Variants in IL26 observed in about 807,000 individuals in gnomAD.
The protein encoded by IL26 is interleukin-26.
IL26 carries 23 observed loss-of-function variants against 21.7 expected under a neutral mutation model. The observed-to-expected ratio is 1.06, with a 90% CI of 0.76 to 1.50. The LOEUF is 1.50. Among genes scored for constraint, IL26 ranks in the 40% most tolerant of loss-of-function variants. IL26 has a pLI of 0.00. For missense variants in IL26, 204 were observed against 196.0 expected (o/e 1.04, Z -0.24); for synonymous variants, 63 against 67.8 (o/e 0.93, Z 0.34).
Position 68,225,696 on chromosome 12 carries a change from C to T in IL26, c.61G>A (p.Ala21Thr). 6.2e-7 allele frequency: 1 copy of T among 1,614,038 alleles called. No homozygotes were observed. Among genetic ancestry groups the T allele is most frequent in the Non-Finnish European group, 8.5e-7 (1 of 1,179,944 alleles). The change falls in exon 1 of 5, where the codon GCC becomes ACC. Residue 21 changes from alanine to threonine, a missense_variant. Physicochemically the swap from Ala to Thr is moderately conservative, Grantham distance 58. Transcript: ENST00000229134. Reference sequence around the variant, plus strand: ...GTGAAGGAAGATTGCTTGTGCTTGGCAATGGCAAGAGACAGAGTGACTAAC... The same window carrying T: ...GTGAAGGAAGATTGCTTGTGCTTGGTAATGGCAAGAGACAGAGTGACTAAC... The part of the protein sequence containing the change: ...LLLVTLSLAI[A>T]KHKQSSFTKS...
At chr12:68,212,872 T>C (rs1868772985) in intron 3 of IL26, among the ~76,000 whole-genome samples, 1 of 152,130 alleles carries the variant, frequency 6.6e-6, no homozygotes, top group Non-Finnish European at 1.5e-5. Context: ...TCAAATTGAA[T>C]GCACTTTATT....
intron 3 of IL26, among the ~76,000 whole-genome samples, chr12:68,204,141 A>ATTTTTTTT (rs6144754): frequency 3.5e-5 from 4 of 113,194 alleles, no homozygotes; most frequent in African/African-American, 6.9e-5. Flanking sequence ...GGATTCAAAG[A>ATTTTTTTT]TTTTTTTTTT....
At chr12:68,222,569 C>A (rs11570922) in intron 3 of IL26, among the ~76,000 whole-genome samples, 1 of 152,194 alleles carries the variant, frequency 6.6e-6, no homozygotes, top group Non-Finnish European at 1.5e-5. Context: ...CTCCAGGAAA[C>A]AGAATGGGCC....
chr12:68,207,616 A>G (rs766697802), intron 3 of IL26, among the ~76,000 whole-genome samples: 1 of 152,206 alleles, frequency 6.6e-6, no homozygotes, highest in African/African-American at 2.4e-5. Flanking sequence ...GTCTCTACTC[A>G]CATTACTCAT....
chr12:68,210,666 T>C (rs1011931214), intron 3 of IL26, among the ~76,000 whole-genome samples: 7 of 152,180 alleles, frequency 4.6e-5, no homozygotes, highest in Middle Eastern at 3.2e-3. Flanking sequence ...ATCCAATTTC[T>C]ATATTCTCTA....
chr12:68,211,864 G>A (rs1868741872), intron 3 of IL26, among the ~76,000 whole-genome samples: 1 of 152,094 alleles, frequency 6.6e-6, no homozygotes, highest in Non-Finnish European at 1.5e-5. Context: ...TTGCTGGGCA[G>A]AGGATTTTTA....
intron 3 of IL26, among the ~76,000 whole-genome samples, chr12:68,221,246 G>A (rs1869036337): frequency 6.6e-6 from 1 of 152,124 alleles, no homozygotes; most frequent in Non-Finnish European, 1.5e-5. Flanking sequence ...TTGTTCTGGA[G>A]CAGGCACATG....
chr12:68,225,056 T>G (rs1365847323), intron 3 of IL26, 93 bp downstream of exon 3: 13 of 1,329,712 alleles, frequency 9.8e-6, no homozygotes, highest in Non-Finnish European at 2.0e-6. Context: ...AAAGCTCGTT[T>G]TACTCACCCT....
At chr12:68,221,668 A>G (rs949797372) in intron 3 of IL26, among the ~76,000 whole-genome samples, 1 of 152,238 alleles carries the variant, frequency 6.6e-6, no homozygotes, top group Admixed American at 6.5e-5. Context: ...AGTGAAATAG[A>G]TATTGATCAT....
intron 3 of IL26, among the ~76,000 whole-genome samples, chr12:68,221,212 A>G (rs1869035630): frequency 6.6e-6 from 1 of 152,204 alleles, no homozygotes; most frequent in Non-Finnish European, 1.5e-5. Context: ...CAACTTGGTC[A>G]TTGACAAATT....
At chr12:68,224,045 C>CG (rs1869150013) in intron 3 of IL26, among the ~76,000 whole-genome samples, 1 of 150,986 alleles carries the variant, frequency 6.6e-6, no homozygotes, top group African/African-American at 2.5e-5. Flanking sequence ...AAACACCCCC[C>CG]CCCTCTAATG....
intron 3 of IL26, among the ~76,000 whole-genome samples, chr12:68,219,981 T>C (rs1869002126): frequency 6.6e-6 from 1 of 151,874 alleles, no homozygotes; most frequent in African/African-American, 2.4e-5. Context: ...ATGAATAAAA[T>C]CACTGAAAGA....
At chr12:68,219,540 A>G (rs1288664013) in intron 3 of IL26, among the ~76,000 whole-genome samples, 1 of 151,952 alleles carries the variant, frequency 6.6e-6, no homozygotes, top group Non-Finnish European at 1.5e-5. Flanking sequence ...AAGTACTTAG[A>G]GGGAAATTTA....
rs542047090 is a variant in IL26, at chr12:68,216,019, G to A, written c.363+9130C>T. On this transcript the variant is annotated intron_variant, in intron 3 of 4. Transcript: ENST00000229134. Reference sequence around the variant, plus strand: ...TAAATTAAACTACTGCTGGCCAGGCGTGGTGGCTCACGCCTGTAATCCCAG... The same window carrying A: ...TAAATTAAACTACTGCTGGCCAGGCATGGTGGCTCACGCCTGTAATCCCAG... 1.5e-4 allele frequency among the ~76,000 whole-genome samples: 23 copies of A among 151,072 alleles called. 1 individual carries two copies. Among genetic ancestry groups the A allele is most frequent in the African/African-American group, 1.9e-4 (8 of 41,324 alleles).
At chr12:68,207,195 T>C (rs1377837205) in intron 3 of IL26, among the ~76,000 whole-genome samples, 1 of 152,174 alleles carries the variant, frequency 6.6e-6, no homozygotes. Context: ...TTCACAATGG[T>C]CCTTATCCTG....
chr12:68,202,391 T>C (rs1030611635), intron 3 of IL26, among the ~76,000 whole-genome samples: 22 of 152,318 alleles, frequency 1.4e-4, no homozygotes, highest in Admixed American at 3.9e-4. Flanking sequence ...AGGGGTCTTT[T>C]GAAAAATGAC....
At chr12:68,208,857 C>T (rs1225855294) in intron 3 of IL26, among the ~76,000 whole-genome samples, 1 of 152,124 alleles carries the variant, frequency 6.6e-6, no homozygotes, top group African/African-American at 2.4e-5. Flanking sequence ...TTCATTGAGT[C>T]CCCTGCATCT....
In IL26 at chr12:68,218,650, G is replaced by GA. The variant is rs752447449; in HGVS notation, c.363+6498dup. Among the ~76,000 whole-genome samples, 8 of 151,938 alleles carry GA rather than the reference G, an allele frequency of 5.3e-5. No homozygotes were observed. The South Asian group carries it at 8.3e-4, about 16-fold the overall frequency. Reference sequence around the variant, plus strand: ...AGGAGAAGAGACAGAAGGAGATACAGAAAAAAGTTTTTGAATAAATAATGC... The same window carrying GA: ...AGGAGAAGAGACAGAAGGAGATACAGAAAAAAAGTTTTTGAATAAATAATGC... On this transcript the variant is annotated intron_variant, in intron 3 of 4. Coordinates refer to ENST00000229134, the MANE Select transcript of IL26 (RefSeq NM_018402.2).
intron 3 of IL26, among the ~76,000 whole-genome samples, chr12:68,215,266 G>A (rs10878791): frequency 0.15 from 22,755 of 152,022 alleles, 3,832 homozygotes; most frequent in African/African-American, 0.42. Flanking sequence ...TCAATCCCAC[G>A]TTTTCCAGTG....
Sources: gnomAD v4.1 joint callset for allele counts (sites outside exome capture counted in the v4.1 genomes callset) on GRCh38, gnomAD v4.1.1 for gene constraint, MANE v1.5 for transcripts, NCBI Gene and HGNC (gene_info 2026-07-23, HGNC 2026-07-21) for gene names.